PTPRM: variants seen among roughly 807,000 people sequenced by gnomAD.
The protein encoded by PTPRM is receptor-type tyrosine-protein phosphatase mu.
A neutral mutation model predicts 186.7 loss-of-function variants in PTPRM; 47 were observed. The ratio of observed to expected loss-of-function variants is 0.25; its 90% CI spans 0.20 to 0.32. The LOEUF is 0.32. Among genes scored for constraint, PTPRM ranks in the 10% least tolerant of loss-of-function variants. The pLI, the probability that PTPRM is intolerant of heterozygous loss-of-function variation, is 1.00. For synonymous variants in PTPRM, 668 were observed against 674.9 expected (o/e 0.99, Z 0.16); for missense variants, 1,494 against 1,865.0 (o/e 0.80, Z 3.66).
chr18:8,344,775 C>T (rs1044556342), intron 23 of PTPRM, among the ~76,000 whole-genome samples: 2 of 151,750 alleles, frequency 1.3e-5, no homozygotes, highest in African/African-American at 2.4e-5. Flanking sequence ...TCTTGGATCC[C>T]GGGTTTTAAA....
intron 7 of PTPRM, among the ~76,000 whole-genome samples, chr18:8,030,215 C>A (rs2085873331): frequency 6.6e-6 from 1 of 152,170 alleles, no homozygotes; most frequent in Non-Finnish European, 1.5e-5. Flanking sequence ...TTCATGCCTA[C>A]CATAAAAGAA....
At chr18:8,359,755 G>A (rs1382104208) in intron 23 of PTPRM, among the ~76,000 whole-genome samples, 1 of 152,242 alleles carries the variant, frequency 6.6e-6, no homozygotes, top group East Asian at 1.9e-4. Context: ...GGTGTGCACA[G>A]CTGGAGTTTC....
At chr18:7,952,421 G>A (rs568080813) in intron 6 of PTPRM, among the ~76,000 whole-genome samples, 15 of 152,292 alleles carry the variant, frequency 9.8e-5, no homozygotes, top group African/African-American at 3.4e-4. Flanking sequence ...AAATGTGGCC[G>A]GGCACAGTGG....
Position 7,668,699 on chromosome 18 carries a change from C to T in PTPRM, c.73+100808C>T, listed in dbSNP as rs1004810536. Among the ~76,000 whole-genome samples the T allele has an allele frequency of 2.0e-5, 3 of 152,122 alleles. No individual in the cohort carries two copies. Among genetic ancestry groups the T allele is most frequent in the African/African-American group, 7.2e-5 (3 of 41,432 alleles). On this transcript the variant is annotated intron_variant, in intron 1 of 32. Coordinates refer to ENST00000580170, the MANE Select transcript of PTPRM (RefSeq NM_001105244.2). This position sits in a 1 kb window ranked among gnomAD's most constrained non-coding sequence, Gnocchi z 4.7. Reference sequence around the variant, plus strand: ...GCTCCCTCCCTGGAGGCTGTAATGGCTGCTTTCTCACCTTCTTAGGTCCTA... The same window carrying T: ...GCTCCCTCCCTGGAGGCTGTAATGGTTGCTTTCTCACCTTCTTAGGTCCTA...
chr18:7,953,099 T>C (rs1197309938), intron 6 of PTPRM, among the ~76,000 whole-genome samples: 1 of 152,268 alleles, frequency 6.6e-6, no homozygotes, highest in Non-Finnish European at 1.5e-5. Flanking sequence ...TTCCAGGTTC[T>C]AGTTGAATAC....
At chr18:8,073,231 T>A (rs1471441771) in intron 8 of PTPRM, among the ~76,000 whole-genome samples, 3 of 152,192 alleles carry the variant, frequency 2.0e-5, no homozygotes, top group Non-Finnish European at 2.9e-5. Context: ...GCCTATGGAG[T>A]AGCCATTCTT....
At chr18:7,801,879 G>T (rs1177662263) in intron 2 of PTPRM, among the ~76,000 whole-genome samples, 2 of 152,152 alleles carry the variant, frequency 1.3e-5, no homozygotes, top group Non-Finnish European at 2.9e-5. Context: ...TGTCCAGTAT[G>T]GTAGCCACTA....
intron 1 of PTPRM, among the ~76,000 whole-genome samples, chr18:7,706,894 G>A (rs1401836142): frequency 4.6e-5 from 7 of 152,020 alleles, no homozygotes; most frequent in South Asian, 4.2e-4. Context: ...ATCCTTTGAC[G>A]TTTTAACCTT....
At chr18:8,402,601 C>T (rs527737749) in intron 32 of PTPRM, among the ~76,000 whole-genome samples, 21 of 152,232 alleles carry the variant, frequency 1.4e-4, no homozygotes, top group Non-Finnish European at 2.8e-4. Flanking sequence ...GGGATGGGAC[C>T]GTGTAGATTT....
intron 7 of PTPRM, among the ~76,000 whole-genome samples, chr18:8,054,884 T>C (rs889294944): frequency 1.3e-5 from 2 of 152,126 alleles, no homozygotes; most frequent in African/African-American, 4.8e-5. Context: ...CCTTGAATGA[T>C]AGTTTTGCTA....
intron 7 of PTPRM, among the ~76,000 whole-genome samples, chr18:8,039,693 G>T (rs555132030): frequency 6.6e-6 from 1 of 152,060 alleles, no homozygotes; most frequent in East Asian, 1.9e-4. Flanking sequence ...CTCTCCCAGC[G>T]ATTTTCAAGT....
intron 2 of PTPRM, among the ~76,000 whole-genome samples, chr18:7,877,339 A>G (rs2048295820): frequency 6.6e-6 from 1 of 152,202 alleles, no homozygotes; most frequent in Admixed American, 6.5e-5. Context: ...TGCCATGCCT[A>G]GTTTGTATTA....
intron 7 of PTPRM, among the ~76,000 whole-genome samples, chr18:7,990,701 C>T (rs1047663693): frequency 6.6e-6 from 1 of 152,178 alleles, no homozygotes; most frequent in Non-Finnish European, 1.5e-5. Context: ...TGTAGACAGT[C>T]TACACTGATC....
intron 2 of PTPRM, among the ~76,000 whole-genome samples, chr18:7,789,289 C>T (rs1264817357): frequency 6.6e-5 from 10 of 152,120 alleles, no homozygotes; most frequent in Non-Finnish European, 1.3e-4. Context: ...TGTGCCACTG[C>T]ACTCCAGCCT....
At chr18:7,816,327 C>T (rs373980995) in intron 2 of PTPRM, among the ~76,000 whole-genome samples, 2 of 152,168 alleles carry the variant, frequency 1.3e-5, no homozygotes, top group Non-Finnish European at 2.9e-5. Flanking sequence ...TTTCTTCCAA[C>T]TTTTCTCTTG....
chr18:7,887,785 T>C (rs187943558), intron 2 of PTPRM, among the ~76,000 whole-genome samples: 28 of 152,302 alleles, frequency 1.8e-4, no homozygotes, highest in African/African-American at 6.0e-4. Flanking sequence ...AATTTTTATT[T>C]TAAATAATCA....
At chr18:8,070,220 A>G (rs1450260202) in intron 8 of PTPRM, among the ~76,000 whole-genome samples, 1 of 152,200 alleles carries the variant, frequency 6.6e-6, no homozygotes, top group Non-Finnish European at 1.5e-5. Context: ...TTTTCTATAT[A>G]TAATCATTCC....
chr18:8,298,588 G>T (rs1020312903), intron 20 of PTPRM, among the ~76,000 whole-genome samples: 2 of 152,234 alleles, frequency 1.3e-5, no homozygotes. Context: ...GCTAGCATTT[G>T]CTGAGCACTT....
intron 1 of PTPRM, among the ~76,000 whole-genome samples, chr18:7,633,765 T>C (rs2038246190): frequency 6.6e-6 from 1 of 152,182 alleles, no homozygotes; most frequent in Non-Finnish European, 1.5e-5. Flanking sequence ...GCTGAGAAAC[T>C]TGGAGTCATC....
Sources: gnomAD v4.1 joint callset for allele counts (sites outside exome capture counted in the v4.1 genomes callset) on GRCh38, gnomAD v4.1.1 for gene constraint, Gnocchi (gnomAD v3.1) non-coding constraint, MANE v1.5 for transcripts, NCBI Gene and HGNC (gene_info 2026-07-23, HGNC 2026-07-21) for gene names.